The following TRA2B variants were observed in gnomAD, a reference collection of about 807,000 sequenced individuals.
TRA2B encodes transformer 2 beta homolog.
TRA2B carries 14 observed loss-of-function variants against 41.7 expected under a neutral mutation model. The observed-to-expected ratio is 0.34, with a 90% CI of 0.22 to 0.53. The LOEUF is 0.53. Among genes scored for constraint, TRA2B ranks in the 20% least tolerant of loss-of-function variants. TRA2B has a pLI of 0.95. For synonymous variants in TRA2B, 130 were observed against 128.8 expected, an observed-to-expected ratio of 1.01 and a Z score of -0.06; for missense variants, 167 against 396.8, an observed-to-expected ratio of 0.42 and a Z score of 4.92.
intron 1 of TRA2B, chr3:185,935,764 G>A: frequency 1.0e-6 from 1 of 985,396 alleles, no homozygotes; most frequent in Non-Finnish European, 1.2e-6. Flanking sequence ...ACACGTGTTT[G>A]ATTCAGGTGT....
At chr3:185,936,022 G>A (rs956039885) in intron 1 of TRA2B, 2 of 985,256 alleles carry the variant, frequency 2.0e-6, no homozygotes, top group Non-Finnish European at 2.4e-6. Context: ...TTTCTCTTGA[G>A]CCGAGTCTCA....
intron 1 of TRA2B, chr3:185,934,436 A>G (rs1396356442): frequency 2.0e-6 from 2 of 985,304 alleles, no homozygotes; most frequent in East Asian, 2.3e-4. Flanking sequence ...TACCTTATAA[A>G]ATCACCTGTA....
At chr3:185,921,847 G>A (rs546139731) in intron 5 of TRA2B, among the ~76,000 whole-genome samples, 164 bp downstream of exon 5, 89 of 152,236 alleles carry the variant, frequency 5.8e-4, no homozygotes, top group Non-Finnish European at 8.5e-4. Context: ...TACCTGTAAT[G>A]GTTGAACTTC....
At chr3:185,930,958 A>C (rs897121342) in intron 1 of TRA2B, among the ~76,000 whole-genome samples, 2 of 152,226 alleles carry the variant, frequency 1.3e-5, no homozygotes, top group Non-Finnish European at 2.9e-5. Context: ...TGAAATAGGC[A>C]TTAAACAGAA....
chr3:185,925,385 T>C lies in TRA2B; in HGVS notation c.333+79A>G. The C allele has an allele frequency of 2.0e-6, 3 of 1,527,182 alleles. No homozygotes were observed. The Admixed American group carries it at 5.8e-5, about 29-fold the overall frequency. 94.6% of individuals were successfully genotyped at this position (1,527,182 alleles called of 1,614,324 possible). On this transcript the variant is annotated intron_variant, in intron 3 of 8. Transcript: ENST00000453386. ...ACTCACGCACCAACTGCTAAAGCTC[T>C]ATTGTCAAAATCAGCTCTAACTTTA...
At chr3:185,935,813 GCAAACAC>G (rs1744328897) in intron 1 of TRA2B, 2 of 985,214 alleles carry the variant, frequency 2.0e-6, no homozygotes, top group Non-Finnish European at 1.2e-6. Context: ...ACACAAACAC[GCAAACAC>G]CAAACACAAC....
At chr3:185,936,601 G>C (rs2150120573) in intron 1 of TRA2B, 1 of 984,852 alleles carries the variant, frequency 1.0e-6, no homozygotes, top group Admixed American at 6.2e-5. Context: ...ACATTTAATA[G>C]TCTTATTTAC....
chr3:185,925,366 G>C, intron 3 of TRA2B, 98 bp downstream of exon 3: 2 of 1,387,034 alleles, frequency 1.4e-6, no homozygotes, highest in Non-Finnish European at 2.0e-6. Context: ...TTTCACTCAC[G>C]CACCAACTGC....
intron 8 of TRA2B, 38 bp from the exon 9 acceptor site, chr3:185,917,763 G>C (rs766552752): frequency 6.3e-7 from 1 of 1,597,712 alleles, no homozygotes; most frequent in East Asian, 2.2e-5. Flanking sequence ...AATATTAAGT[G>C]AACTAATTAT....
At chr3:185,920,438 C>T (rs73178104) in intron 6 of TRA2B, among the ~76,000 whole-genome samples, 9,680 of 152,310 alleles carry the variant, frequency 0.064, 453 homozygotes, top group Non-Finnish European at 0.097. Flanking sequence ...GCTTCAACCT[C>T]CCCGGCTTCC....
chr3:185,919,965 TACTA>T (rs1372168401), intron 6 of TRA2B, among the ~76,000 whole-genome samples: 2 of 152,206 alleles, frequency 1.3e-5, no homozygotes, highest in African/African-American at 2.4e-5. Context: ...GGTCAATACT[TACTA>T]ACTACATTAT....
rs1197077496 is a variant in TRA2B, at chr3:185,925,641, C to T, written c.171-15G>A. On this transcript the variant is annotated splice_polypyrimidine_tract_variant and intron_variant, in intron 2 of 8. Coordinates refer to ENST00000453386, the MANE Select transcript of TRA2B (RefSeq NM_004593.3). ...TGGATCTAGACCTGCAAGACAAAGA[C>T]CTCCTAAGGTTATGACTGAAAACAA... is the stretch of plus-strand genomic sequence containing the variant. The T allele has an allele frequency of 1.2e-6, 2 of 1,606,298 alleles. No homozygotes were observed. Among genetic ancestry groups the T allele is most frequent in the East Asian group, 2.2e-5 (1 of 44,796 alleles).
At position 185,930,019 on chromosome 3, in the gene TRA2B, C is replaced by A. The variant is rs551412986; in HGVS notation, c.37-3285G>T. 3.3e-5 allele frequency among the ~76,000 whole-genome samples: 5 copies of A among 152,058 alleles called. No individual in the cohort carries two copies. In the South Asian group the frequency reaches 8.3e-4, roughly 25 times the overall value. On this transcript the variant is annotated intron_variant, in intron 1 of 8. Transcript: ENST00000453386. Reference sequence around the variant, plus strand: ...CCTCCTCCTCATCTTCCCTATGGCCCGAGGAGGAGACACATTAGGACCCAC... The same window carrying A: ...CCTCCTCCTCATCTTCCCTATGGCCAGAGGAGGAGACACATTAGGACCCAC...
intron 1 of TRA2B, among the ~76,000 whole-genome samples, chr3:185,930,868 T>C (rs759070241): frequency 4.6e-5 from 7 of 152,234 alleles, no homozygotes; most frequent in Non-Finnish European, 8.8e-5. Context: ...CAATTTGTAT[T>C]AGCTATCCTG....
At chr3:185,925,900 T>C (rs1338444561) in intron 2 of TRA2B, among the ~76,000 whole-genome samples, 3 of 152,266 alleles carry the variant, frequency 2.0e-5, no homozygotes, top group Non-Finnish European at 2.9e-5. Context: ...AGCATTTTAC[T>C]AGCTTGGCTT....
intron 1 of TRA2B, among the ~76,000 whole-genome samples, chr3:185,930,886 G>C (rs1164008486): frequency 2.0e-5 from 3 of 152,192 alleles, no homozygotes; most frequent in Non-Finnish European, 2.9e-5. Context: ...CTGTTCACTT[G>C]TGTGACCCAC....
intron 1 of TRA2B, chr3:185,934,871 AAAT>A (rs1293768474): frequency 4.1e-6 from 4 of 985,324 alleles, no homozygotes; most frequent in African/African-American, 1.7e-5. Flanking sequence ...GGCTTTACAA[AAAT>A]AATAGCCAGT....
chr3:185,937,043 C>T, intron 1 of TRA2B: 9 of 985,384 alleles, frequency 9.1e-6, no homozygotes, highest in Non-Finnish European at 9.6e-6. Flanking sequence ...TTCACAATCC[C>T]GTGGAAATGC....
chr3:185,927,039 AT>A (rs1367906761), intron 1 of TRA2B: 1 of 237,338 alleles, frequency 4.2e-6, no homozygotes, highest in African/African-American at 2.2e-5. Flanking sequence ...GTGTTTCAGA[AT>A]GTTACTCCAT....
Sources: allele counts gnomAD v4.1 joint callset (sites outside exome capture counted in the v4.1 genomes callset), GRCh38; gene constraint gnomAD v4.1.1; transcripts MANE v1.5; gene names NCBI Gene and HGNC (gene_info 2026-07-23, HGNC 2026-07-21).